CAPN5: variants seen among roughly 807,000 people sequenced by gnomAD.
CAPN5 encodes calpain 5, also known as calpain-5.
CAPN5 carries 54 observed loss-of-function variants against 73.0 expected under a neutral mutation model. The ratio of observed to expected loss-of-function variants is 0.74; its 90% confidence interval spans 0.59 to 0.93. CAPN5 has a LOEUF of 0.93. CAPN5 is among the 40% of genes least tolerant of loss of function. The probability of loss-of-function intolerance (pLI) is 0.00; values close to 1 mark genes in which losing one functional copy is unlikely to be tolerated. For missense variants in CAPN5, 785 were observed against 882.9 expected (o/e 0.89, Z 1.41); for synonymous variants, 335 against 356.9 (o/e 0.94, Z 0.69).
At chr11:77,118,418 C>A in intron 8 of CAPN5, 66 bp downstream of exon 8, 1 of 1,337,664 alleles carries the variant, frequency 7.5e-7, no homozygotes, top group Non-Finnish European at 1.0e-6. Context: ...CACTGTCCTG[C>A]CAGGGACTCC....
intron 7 of CAPN5, among the ~76,000 whole-genome samples, chr11:77,117,492 CAGG>C (rs1273208521): frequency 6.6e-6 from 1 of 152,242 alleles, no homozygotes; most frequent in African/African-American, 2.4e-5. Context: ...TCAGCTGCTG[CAGG>C]AGGCCACCCA....
chr11:77,068,473 A>G (rs4415798), intron 1 of CAPN5, among the ~76,000 whole-genome samples: 11,696 of 152,020 alleles, frequency 0.077, 704 homozygotes, highest in African/African-American at 0.16. Context: ...CTGGGTCTTG[A>G]AATCCACCAA....
In CAPN5 at chr11:77,114,410, C is replaced by T. The variant is rs140555115; in HGVS notation, c.675C>T (p.Gly225=). The change falls in exon 5 of 13, where the codon GGC becomes GGT. Residue 225 remains glycine, a synonymous_variant. Coordinates refer to ENST00000648180, the MANE Select transcript of CAPN5 (RefSeq NM_004055.5). ...FERMLKVHSR[G]GLISASIKAV... is the part of the protein sequence containing the mutation. ...GCATGTTAAAGGTGCACAGCCGGGG[C>T]GGCCTCATCAGTGCCTCCATCAAGG... is the stretch of plus-strand genomic sequence containing the variant. The T allele has an allele frequency of 3.5e-5, 56 of 1,614,048 alleles. No homozygotes were observed. The highest frequency in any genetic ancestry group is 1.6e-4 in the South Asian group (15 of 91,084).
intron 3 of CAPN5, among the ~76,000 whole-genome samples, chr11:77,095,204 G>A (rs1419752812): frequency 6.6e-6 from 1 of 152,166 alleles, no homozygotes; most frequent in Non-Finnish European, 1.5e-5. Context: ...TCAATTCTAC[G>A]CCTCAAGGCC....
chr11:77,121,952 G>A lies in CAPN5; in HGVS notation c.1506G>A (p.Glu502=). ...ATATCAGGGAGCTGCGCCTGGATGA[G>A]CCCCCACACACCTGCTGGAGCTCCC... is the stretch of plus-strand genomic sequence containing the variant. The part of the protein sequence containing the change: ...PSNCRELRLD[E]PPHTCWSSLC... Residue 502 remains glutamate (E), a synonymous_variant, in exon 11 of 13, where the codon GAG becomes GAA. Coordinates refer to ENST00000648180, the MANE Select transcript of CAPN5 (RefSeq NM_004055.5). 2 of 1,553,472 alleles carry A rather than the reference G, an allele frequency of 1.3e-6. No homozygotes were observed. Among genetic ancestry groups the A allele is most frequent in the Non-Finnish European group, 1.7e-6 (2 of 1,148,358 alleles).
intron 3 of CAPN5, among the ~76,000 whole-genome samples, chr11:77,099,727 C>G (rs1444054319): frequency 7.1e-5 from 7 of 98,748 alleles, no homozygotes; most frequent in East Asian, 2.6e-4. Flanking sequence ...GAGAGGGAGA[C>G]GGAGAGGGAG....
At chr11:77,068,221 C>T (rs1007976018) in intron 1 of CAPN5, among the ~76,000 whole-genome samples, 1 of 152,064 alleles carries the variant, frequency 6.6e-6, no homozygotes. Context: ...GTGTGGCTGC[C>T]TTTGCCTCCT....
chr11:77,102,365 A>G (rs974269845), intron 3 of CAPN5, among the ~76,000 whole-genome samples: 1 of 152,132 alleles, frequency 6.6e-6, no homozygotes, highest in African/African-American at 2.4e-5. Flanking sequence ...CAGATCTCCA[A>G]TCACCAAGCC....
intron 12 of CAPN5, 129 bp from the exon 13 acceptor site, chr11:77,123,559 C>A: frequency 1.3e-6 from 1 of 771,792 alleles, no homozygotes. Flanking sequence ...GGCAGACAGC[C>A]CAGGGCCCCC....
chr11:77,123,499 G>A (rs1235676712), intron 12 of CAPN5, among the ~76,000 whole-genome samples, 189 bp from the exon 13 acceptor site: 1 of 152,144 alleles, frequency 6.6e-6, no homozygotes, highest in Non-Finnish European at 1.5e-5. Flanking sequence ...AGCTAGCTGA[G>A]GAGCCTGAGG....
At chr11:77,067,763 C>T (rs1030313111) in intron 1 of CAPN5, among the ~76,000 whole-genome samples, 1 of 151,182 alleles carries the variant, frequency 6.6e-6, no homozygotes, top group African/African-American at 2.4e-5. Context: ...TTGGGGGTCT[C>T]GGAAGACTGG....
chr11:77,093,601 C>A, intron 2 of CAPN5, 81 bp from the exon 3 acceptor site: 3 of 1,424,976 alleles, frequency 2.1e-6, no homozygotes, highest in Non-Finnish European at 2.8e-6. Flanking sequence ...TCTGTCACGT[C>A]TGTGTCTGTC....
chr11:77,067,126 C>CTGTGTG (rs35903526), intron 1 of CAPN5, 32 bp downstream of exon 1: 4 of 149,768 alleles, frequency 2.7e-5, no homozygotes, highest in Admixed American at 6.6e-5. Context: ...GCGTGTGCTT[C>CTGTGTG]TGTGTGTGTG....
At position 77,084,972 on chromosome 11, in the gene CAPN5, A is replaced by G. The variant is rs879987951; in HGVS notation, c.86A>G (p.Asp29Gly). The G allele has an allele frequency of 6.2e-7, 1 of 1,602,764 alleles. No individual in the cohort carries two copies. Among genetic ancestry groups the G allele is most frequent in the South Asian group, 1.1e-5 (1 of 90,220 alleles). ...CGGCGCAGGAAGGTGCTCTTCGAGGACCCCCTCTTCCCCGCCACTGACGAC... is the reference window on the plus strand; with the variant it reads ...CGGCGCAGGAAGGTGCTCTTCGAGGGCCCCCTCTTCCCCGCCACTGACGAC... ...DCRRRKVLFE[D>G]PLFPATDDSL... Residue 29 changes from aspartate (D) to glycine (G), a missense_variant, in exon 2 of 13, where the codon GAC becomes GGC. Asp to Gly is a moderately conservative substitution (Grantham distance 94). Transcript: ENST00000648180.
chr11:77,082,952 G>A lies in CAPN5; in HGVS notation c.-35-1900G>A, dbSNP rs557845401. Among the ~76,000 whole-genome samples the A allele has an allele frequency of 1.1e-4, 16 of 152,324 alleles. No individual in the cohort carries two copies. The South Asian group carries it at 3.3e-3, about 32-fold the overall frequency. On this transcript the variant is annotated intron_variant, in intron 1 of 12. Coordinates refer to ENST00000648180, the MANE Select transcript of CAPN5 (RefSeq NM_004055.5). The stretch of plus-strand genomic sequence containing the variant: ...TGTAGCCTAAATTGCTTCCTGAACT[G>A]ACCCTGCCGGAAACCCGTGGTGCTA...
chr11:77,079,950 T>A (rs563402789), intron 1 of CAPN5, among the ~76,000 whole-genome samples: 5 of 152,322 alleles, frequency 3.3e-5, no homozygotes, highest in African/African-American at 1.2e-4. Context: ...AGTTTACTTT[T>A]TTTCTCATGT....
intron 1 of CAPN5, among the ~76,000 whole-genome samples, chr11:77,076,079 C>T (rs1290538538): frequency 4.6e-5 from 7 of 152,146 alleles, no homozygotes; most frequent in African/African-American, 1.2e-4. Flanking sequence ...AATCTACTCT[C>T]GGCCGGGCGC....
At chr11:77,119,216 C>T in intron 9 of CAPN5, 64 bp downstream of exon 9, 1 of 1,540,170 alleles carries the variant, frequency 6.5e-7, no homozygotes, top group Admixed American at 1.9e-5. Flanking sequence ...TTGGACTGCC[C>T]ATGCCTGAGG....
chr11:77,105,654 C>G (rs540310984), intron 3 of CAPN5, among the ~76,000 whole-genome samples: 2 of 152,326 alleles, frequency 1.3e-5, no homozygotes, highest in African/African-American at 4.8e-5. Flanking sequence ...AGGCAGCTCC[C>G]AACCCCCTCC....
Sources: allele counts gnomAD v4.1 joint callset (sites outside exome capture counted in the v4.1 genomes callset), GRCh38; gene constraint gnomAD v4.1.1; transcripts MANE v1.5; gene names NCBI Gene and HGNC (gene_info 2026-07-23, HGNC 2026-07-21).